The following SLC20A2 variants were observed in gnomAD, a reference collection of about 807,000 sequenced individuals.
SLC20A2 encodes sodium-dependent phosphate transporter 2.
A neutral mutation model predicts 61.0 loss-of-function variants in SLC20A2; 30 were observed. That is an observed-to-expected ratio of 0.49 (90% CI 0.37 to 0.67). The LOEUF is 0.67. Among genes scored for constraint, SLC20A2 ranks in the 30% least tolerant of loss-of-function variants. The probability of loss-of-function intolerance (pLI) is 0.00; values close to 1 mark genes in which losing one functional copy is unlikely to be tolerated. For missense variants in SLC20A2, 626 were observed against 866.4 expected (o/e 0.72, Z 3.48); for synonymous variants, 351 against 353.3 (o/e 0.99, Z 0.07).
At chr8:42,460,036 C>T in intron 4 of SLC20A2, 44 bp from the exon 5 acceptor site, 1 of 1,134,978 alleles carries the variant, frequency 8.8e-7, no homozygotes, top group Non-Finnish European at 1.3e-6. Flanking sequence ...AGGATCCCAG[C>T]AGCATTTGGA....
chr8:42,481,731 G>A (rs192797148), intron 1 of SLC20A2, among the ~76,000 whole-genome samples: 2 of 152,262 alleles, frequency 1.3e-5, no homozygotes, highest in Admixed American at 6.5e-5. Context: ...ACCCTGTCTT[G>A]AGCAGTGCAG....
chr8:42,451,667 G>A (rs1805673203), intron 5 of SLC20A2, among the ~76,000 whole-genome samples: 1 of 132,672 alleles, frequency 7.5e-6, no homozygotes, highest in African/African-American at 2.9e-5. Context: ...AGATAGAGGG[G>A]GAGGAAGAGA....
chr8:42,527,733 A>G (rs1423788574), intron 1 of SLC20A2, among the ~76,000 whole-genome samples: 1 of 152,128 alleles, frequency 6.6e-6, no homozygotes, highest in East Asian at 1.9e-4. Context: ...GCGCCACTGC[A>G]CTCCAGCTTG....
intron 1 of SLC20A2, among the ~76,000 whole-genome samples, chr8:42,531,545 G>A (rs1353548161): frequency 6.6e-6 from 1 of 152,114 alleles, no homozygotes; most frequent in Non-Finnish European, 1.5e-5. Flanking sequence ...ATAGAATATA[G>A]AAGAATAAAG....
At chr8:42,442,027 A>T (rs1445948975) in intron 6 of SLC20A2, among the ~76,000 whole-genome samples, 1 of 147,164 alleles carries the variant, frequency 6.8e-6, no homozygotes, top group African/African-American at 2.6e-5. Flanking sequence ...TCTGCCTCCC[A>T]GGTTCAAGCA....
chr8:42,496,839 A>G (rs1809964321), intron 1 of SLC20A2, among the ~76,000 whole-genome samples: 1 of 152,186 alleles, frequency 6.6e-6, no homozygotes, highest in African/African-American at 2.4e-5. Context: ...GTGTGAAGAC[A>G]GGGACGGACC....
intron 1 of SLC20A2, among the ~76,000 whole-genome samples, chr8:42,496,018 G>A (rs111628658): frequency 6.6e-6 from 1 of 152,244 alleles, no homozygotes; most frequent in African/African-American, 2.4e-5. Context: ...CCAAAGTGCT[G>A]GGAATACAGG....
chr8:42,417,881 G>C lies in SLC20A2; in HGVS notation c.1881C>G (p.Phe627Leu). The C allele has an allele frequency of 1.2e-6, 2 of 1,614,026 alleles. No homozygotes were observed. Among genetic ancestry groups the C allele is most frequent in the South Asian group, 2.2e-5 (2 of 91,066 alleles). The change falls in exon 11 of 11, where the codon TTC becomes TTG. Residue 627 changes from phenylalanine to leucine, a missense_variant. This residue lies in a region of SLC20A2 where 138 missense variants were observed against 228.7 expected (regional missense o/e 0.60). Transcript: ENST00000520262. ...RLFRNIFVAWFVTVPVAGLFS... is the reference protein window; with the variant it reads ...RLFRNIFVAWLVTVPVAGLFS... ...ACAGCCCAGCCACAGGGACGGTCAC[G>C]AACCAGGCCACGAAGATGTTCCGAA...
At chr8:42,469,475 G>A (rs970845071) in intron 2 of SLC20A2, among the ~76,000 whole-genome samples, 5 of 152,194 alleles carry the variant, frequency 3.3e-5, no homozygotes, top group African/African-American at 1.2e-4. Flanking sequence ...GTGGGGAACG[G>A]AGAAATGATC....
intron 6 of SLC20A2, among the ~76,000 whole-genome samples, chr8:42,441,873 C>T (rs1300980767): frequency 6.6e-6 from 1 of 151,190 alleles, no homozygotes; most frequent in Admixed American, 6.6e-5. Flanking sequence ...TTTTCCCATT[C>T]TGTTCCCGGT....
intron 1 of SLC20A2, among the ~76,000 whole-genome samples, chr8:42,492,153 G>A (rs910506536): frequency 6.6e-6 from 1 of 152,094 alleles, no homozygotes; most frequent in Admixed American, 6.5e-5. Flanking sequence ...TCAGGAGTTC[G>A]AGACCAGCCT....
chr8:42,478,297 T>C (rs1440725427), intron 1 of SLC20A2, among the ~76,000 whole-genome samples: 15 of 149,894 alleles, frequency 1.0e-4, no homozygotes, highest in African/African-American at 3.7e-4. Context: ...CTACAACCTC[T>C]GCCTCCCAGG....
intron 5 of SLC20A2, among the ~76,000 whole-genome samples, chr8:42,448,058 C>T (rs551556208): frequency 3.3e-5 from 5 of 152,332 alleles, no homozygotes; most frequent in Non-Finnish European, 7.3e-5. Context: ...GGTTCATACA[C>T]GCAGCAAAGG....
intron 1 of SLC20A2, among the ~76,000 whole-genome samples, chr8:42,527,142 G>A (rs920406897): frequency 2.7e-5 from 4 of 148,890 alleles, no homozygotes; most frequent in Non-Finnish European, 4.5e-5. Flanking sequence ...GTGGTGGCTC[G>A]CGCCTGTAAC....
chr8:42,466,450 G>A (rs1027961776), intron 2 of SLC20A2, among the ~76,000 whole-genome samples: 25 of 152,304 alleles, frequency 1.6e-4, no homozygotes, highest in Non-Finnish European at 2.6e-4. Context: ...AGTTTTCAGT[G>A]AGGGTGCTGT....
intron 1 of SLC20A2, among the ~76,000 whole-genome samples, chr8:42,526,065 C>T (rs1811913468): frequency 1.3e-5 from 2 of 152,192 alleles, no homozygotes; most frequent in African/African-American, 4.8e-5. Context: ...GCGTGGGCTG[C>T]CTTCCCAAGA....
At chr8:42,492,699 T>C (rs1809612715) in intron 1 of SLC20A2, among the ~76,000 whole-genome samples, 1 of 152,144 alleles carries the variant, frequency 6.6e-6, no homozygotes, top group Admixed American at 6.5e-5. Flanking sequence ...TTTTCTTTTT[T>C]TTTTTTTGAG....
chr8:42,530,266 C>A (rs1413774202), intron 1 of SLC20A2, among the ~76,000 whole-genome samples: 1 of 152,058 alleles, frequency 6.6e-6, no homozygotes, highest in Non-Finnish European at 1.5e-5. Flanking sequence ...ATTTTTTCTA[C>A]ATTAGAAATG....
Position 42,437,009 on chromosome 8 carries a change from A to G in SLC20A2, c.1503T>C (p.Ala501=). The change falls in exon 8 of 11, where the codon GCT becomes GCC. Residue 501 remains alanine, a synonymous_variant. Coordinates refer to ENST00000520262, the MANE Select transcript of SLC20A2 (RefSeq NM_001257180.2). This position sits in a 1 kb window ranked among gnomAD's most constrained non-coding sequence, Gnocchi z 6.4. ...CCCACCTCACGTCATTGCCGCCGTG[A>G]GCAAAGGACCCGAAACAGGCGGTGA... The part of the protein sequence containing the change: ...QVLTACFGSF[A]HGGNDVSNAI... The G allele has an allele frequency of 2.5e-6, 4 of 1,608,714 alleles. No homozygotes were observed. The highest frequency in any genetic ancestry group is 3.4e-6 in the Non-Finnish European group (4 of 1,177,266).
Sources: gnomAD v4.1 joint callset for allele counts (sites outside exome capture counted in the v4.1 genomes callset) on GRCh38, gnomAD v4.1.1 for gene constraint, gnomAD v4.1.1 regional missense constraint, Gnocchi (gnomAD v3.1) non-coding constraint, MANE v1.5 for transcripts, NCBI Gene and HGNC (gene_info 2026-07-23, HGNC 2026-07-21) for gene names.